Variants in PSME4 observed in about 807,000 individuals in gnomAD.
The protein encoded by PSME4 is proteasome activator subunit 4.
Under a neutral mutation model 253.9 loss-of-function variants are expected in PSME4, and 89 were observed. The observed-to-expected ratio is 0.35, with a 90% CI of 0.30 to 0.42. The LOEUF is 0.42. Ranked by LOEUF, PSME4 falls within the 10% of genes least tolerant of loss-of-function variation. The pLI, the probability that PSME4 is intolerant of heterozygous loss-of-function variation, is 1.00. For synonymous variants in PSME4, 851 were observed against 759.2 expected (o/e 1.12, Z -1.99); for missense variants, 2,014 against 2,195.2 (o/e 0.92, Z 1.65).
At chr2:53,930,640 A>G (rs1668784216) in intron 10 of PSME4, among the ~76,000 whole-genome samples, 1 of 152,250 alleles carries the variant, frequency 6.6e-6, no homozygotes. Context: ...AGGGCAGGTA[A>G]GGCAGCATCA....
chr2:53,914,586 T>C (rs528704491), intron 20 of PSME4, among the ~76,000 whole-genome samples: 1 of 152,292 alleles, frequency 6.6e-6, no homozygotes, highest in East Asian at 1.9e-4. Flanking sequence ...TTATAGTAAG[T>C]ATAAGATATT....
chr2:53,899,037 G>C (rs1376228143), intron 29 of PSME4, among the ~76,000 whole-genome samples: 1 of 150,966 alleles, frequency 6.6e-6, no homozygotes, highest in Non-Finnish European at 1.5e-5. Context: ...TAATTCACTA[G>C]AAAAAAAAAG....
In PSME4 at chr2:53,875,757, T is replaced by TA; in HGVS notation, c.4816-3dup. On this transcript the variant is annotated splice_polypyrimidine_tract_variant and splice_region_variant and intron_variant, in intron 41 of 46. Transcript: ENST00000404125. Reference sequence around the variant, plus strand: ...ATTGTCATTTTCCACTGGGGCAATCTAAAAAACAATGTAAAAAGGACAAAA... The same window carrying TA: ...ATTGTCATTTTCCACTGGGGCAATCTAAAAAAACAATGTAAAAAGGACAAAA... The TA allele has an allele frequency of 1.2e-6, 2 of 1,609,200 alleles. No individual in the cohort carries two copies. Among genetic ancestry groups the TA allele is most frequent in the East Asian group, 2.2e-5 (1 of 44,780 alleles).
rs769001408 is a variant in PSME4 at position 53,925,979 on chromosome 2, G to A, written c.1638C>T (p.Phe546=). 3 of 1,613,484 alleles carry A rather than the reference G, an allele frequency of 1.9e-6. No homozygotes were observed. The highest frequency in any genetic ancestry group is 1.1e-5 in the South Asian group (1 of 91,062). The stretch of plus-strand genomic sequence containing the variant: ...CTCACCTGTCCATAAACTGTAAGAC[G>A]AAATCCTCAAATTCAGCTGTGGCTG... ...LCSATAEFED[F]VLQFMDRCFG... Residue 546 remains phenylalanine (F), a synonymous_variant, in exon 13 of 47, where the codon TTC becomes TTT. Coordinates refer to ENST00000404125, the MANE Select transcript of PSME4 (RefSeq NM_014614.3).
intron 20 of PSME4, among the ~76,000 whole-genome samples, chr2:53,917,027 G>T (rs548577702): frequency 6.7e-6 from 1 of 149,342 alleles, no homozygotes; most frequent in Non-Finnish European, 1.5e-5. Flanking sequence ...TTTAAAAATT[G>T]AAGTTTTATT....
intron 14 of PSME4, among the ~76,000 whole-genome samples, chr2:53,925,004 A>G (rs1490807580): frequency 6.6e-6 from 1 of 152,238 alleles, no homozygotes; most frequent in East Asian, 1.9e-4. Context: ...TCCGCAGTCA[A>G]CAGCAACATA....
At chr2:53,900,548 A>C (rs774465993) in intron 28 of PSME4, among the ~76,000 whole-genome samples, 1 of 152,178 alleles carries the variant, frequency 6.6e-6, no homozygotes. Context: ...AGAAACAAAG[A>C]AAAAGGAAAA....
At chr2:53,952,416 C>T (rs1670042307) in intron 1 of PSME4, among the ~76,000 whole-genome samples, 1 of 152,146 alleles carries the variant, frequency 6.6e-6, no homozygotes, top group Non-Finnish European at 1.5e-5. Flanking sequence ...GTGGTGCGCG[C>T]CTCTAATCCC....
At chr2:53,886,030 A>G (rs1236281708) in intron 40 of PSME4, among the ~76,000 whole-genome samples, 1 of 152,238 alleles carries the variant, frequency 6.6e-6, no homozygotes, top group Non-Finnish European at 1.5e-5. Flanking sequence ...AGAATAGGAG[A>G]AAATATTTCT....
At chr2:53,871,724 G>A (rs1015673095) in intron 43 of PSME4, among the ~76,000 whole-genome samples, 1 of 152,088 alleles carries the variant, frequency 6.6e-6, no homozygotes, top group Non-Finnish European at 1.5e-5. Flanking sequence ...AAAGCCGGAG[G>A]TGGTGATTGG....
chr2:53,884,699 GAC>G (rs1679557942), intron 41 of PSME4, among the ~76,000 whole-genome samples: 1 of 152,134 alleles, frequency 6.6e-6, no homozygotes, highest in Non-Finnish European at 1.5e-5. Flanking sequence ...CTTGGTATGT[GAC>G]AGAGGAAAAA....
chr2:53,967,210 C>T (rs1558436463), intron 1 of PSME4, among the ~76,000 whole-genome samples: 1 of 152,176 alleles, frequency 6.6e-6, no homozygotes, highest in Non-Finnish European at 1.5e-5. Flanking sequence ...CTCTCTTGAC[C>T]AGACAGTTCT....
intron 36 of PSME4, among the ~76,000 whole-genome samples, chr2:53,892,281 G>A (rs1318426208): frequency 6.6e-6 from 1 of 152,092 alleles, no homozygotes; most frequent in Non-Finnish European, 1.5e-5. Flanking sequence ...TTTTAGTCTC[G>A]TGTATTTTGC....
intron 29 of PSME4, 50 bp from the exon 30 acceptor site, chr2:53,898,404 T>C: frequency 7.5e-7 from 1 of 1,338,504 alleles, no homozygotes; most frequent in East Asian, 2.5e-5. Flanking sequence ...AAAATGAACA[T>C]CAAAAATATA....
intron 17 of PSME4, 130 bp from the exon 18 acceptor site, chr2:53,921,234 T>G (rs1668300943): frequency 1.3e-5 from 17 of 1,330,250 alleles, no homozygotes; most frequent in Non-Finnish European, 1.7e-5. Context: ...TTTAGGATTG[T>G]CACTTTAACT....
chr2:53,899,891 C>T lies in PSME4; in HGVS notation c.3412G>A (p.Asp1138Asn), dbSNP rs773541027. The change falls in exon 29 of 47, where the codon GAT (aspartate) becomes AAT (asparagine). Residue 1138 changes from aspartate (D) to asparagine (N), a missense_variant. By Grantham distance (23) the Asp-to-Asn change is conservative. Coordinates refer to ENST00000404125, the MANE Select transcript of PSME4 (RefSeq NM_014614.3). ...GIKRQQEKNA[D>N]ALRNYENLVD... is the part of the protein sequence containing the mutation. ...CCATTCATCAATTACCTTAGGGCAT[C>T]GGCATTCTTTTCCTGTTGGCGTTTA... The T allele has an allele frequency of 6.2e-6, 10 of 1,613,488 alleles. No homozygotes were observed. The highest frequency in any genetic ancestry group is 1.7e-5 in the Admixed American group (1 of 59,902).
chr2:53,932,832 C>T (rs1248609523), intron 8 of PSME4, 72 bp from the exon 9 acceptor site: 5 of 1,163,060 alleles, frequency 4.3e-6, no homozygotes, highest in Non-Finnish European at 3.9e-6. Context: ...CAGGCCCAAG[C>T]CTATACGTAA....
At chr2:53,888,682 C>G (rs746469110) in intron 38 of PSME4, 39 bp downstream of exon 38, 95 of 1,390,566 alleles carry the variant, frequency 6.8e-5, no homozygotes, top group Non-Finnish European at 9.0e-5. Flanking sequence ...AACACAAAAC[C>G]TTTCGTGTTA....
In PSME4 at chr2:53,940,958, T is replaced by TAAATATATATATATACATATTTAA. The variant is rs1553338447; in HGVS notation, c.501-959_501-958insTTAAATATGTATATATATATATTT. ...ATATATAAATATATATATACATATA[T>TAAATATATATATATACATATTTAA]ATATATATATATATATATATATATA... On this transcript the variant is annotated intron_variant, in intron 3 of 46. Transcript: ENST00000404125. Among the ~76,000 whole-genome samples the TAAATATATATATATACATATTTAA allele has an allele frequency of 1.1e-3, 56 of 49,588 alleles. No individual in the cohort carries two copies. In the South Asian group the frequency reaches 0.014, roughly 13 times the overall value. The allele number at this position is 49,588 out of a possible 152,430, so 32.5% of individuals were successfully genotyped here. A position where few individuals can be genotyped will look rare whatever the true frequency, so the allele number is the denominator to read the frequency against.
Sources: gnomAD v4.1 joint callset for allele counts (sites outside exome capture counted in the v4.1 genomes callset) on GRCh38, gnomAD v4.1.1 for gene constraint, MANE v1.5 for transcripts, NCBI Gene and HGNC (gene_info 2026-07-23, HGNC 2026-07-21) for gene names.